SP1: variants seen among roughly 807,000 people sequenced by gnomAD.
SP1 encodes the protein Sp1 transcription factor.
SP1 carries 6 observed loss-of-function variants against 66.3 expected under a neutral mutation model. The ratio of observed to expected loss-of-function variants is 0.09; its 90% CI spans 0.05 to 0.18. The LOEUF (loss-of-function observed/expected upper bound fraction) is 0.18, where lower values mean the gene tolerates loss of function less well. Ranked by LOEUF, SP1 falls within the 10% of genes least tolerant of loss-of-function variation. The pLI, the probability that SP1 is intolerant of heterozygous loss-of-function variation, is 1.00. For missense variants in SP1, 848 were observed against 964.5 expected, an observed-to-expected ratio of 0.88 and a Z score of 1.60; for synonymous variants, 417 against 360.8, an observed-to-expected ratio of 1.16 and a Z score of -1.77.
At chr12:53,385,616 A>AT (rs1267877108) in intron 3 of SP1, among the ~76,000 whole-genome samples, 1 of 141,196 alleles carries the variant, frequency 7.1e-6, no homozygotes, top group Non-Finnish European at 1.5e-5. Flanking sequence ...AAATAAATAA[A>AT]AATAAATTTG....
chr12:53,384,866 G>T (rs2446066), intron 3 of SP1, among the ~76,000 whole-genome samples: 47,129 of 151,872 alleles, frequency 0.31, 10,782 homozygotes, highest in African/African-American at 0.65. Context: ...ATGCCTATGG[G>T]CCCAGCTACT....
chr12:53,399,530 C>A (rs2608301), intron 3 of SP1, among the ~76,000 whole-genome samples: 47,256 of 151,996 alleles, frequency 0.31, 10,859 homozygotes, highest in African/African-American at 0.65. Flanking sequence ...ACCGGGTTTC[C>A]CCATGTTAGC....
intron 3 of SP1, among the ~76,000 whole-genome samples, chr12:53,388,010 G>C (rs982125480): frequency 6.6e-6 from 1 of 151,936 alleles, no homozygotes; most frequent in African/African-American, 2.4e-5. Flanking sequence ...TATTCGAAAA[G>C]GTGTTTTTGA....
intron 3 of SP1, among the ~76,000 whole-genome samples, chr12:53,398,160 A>C (rs1323636867): frequency 2.6e-5 from 4 of 152,226 alleles, no homozygotes; most frequent in Admixed American, 2.6e-4. Context: ...AGATTTATAG[A>C]TATACAAATA....
At chr12:53,394,982 A>G (rs781437303) in intron 3 of SP1, among the ~76,000 whole-genome samples, 8 of 151,894 alleles carry the variant, frequency 5.3e-5, no homozygotes, top group African/African-American at 9.7e-5. Flanking sequence ...CCTCCGACTC[A>G]GCCTCCCCAG....
At position 53,383,091 on chromosome 12, in the gene SP1, G is replaced by C; in HGVS notation, c.1144G>C (p.Ala382Pro). 6.2e-7 allele frequency: 1 copy of C among 1,614,196 alleles called. No individual in the cohort carries two copies. The highest frequency in any genetic ancestry group is 2.2e-5 in the East Asian group (1 of 44,890). The change falls in exon 3 of 6, where the codon GCA becomes CCA. Residue 382 changes from alanine to proline, a missense_variant. Coordinates refer to ENST00000327443, the MANE Select transcript of SP1 (RefSeq NM_138473.3). Reference protein sequence around the residue: ...QNQTSGGSLQAGQQKEGEQNQ... With the variant: ...QNQTSGGSLQPGQQKEGEQNQ... ...CCAGACATCTGGAGGCTCATTGCAA[G>C]CAGGCCAGCAAAAAGAAGGAGAGCA... is the stretch of plus-strand genomic sequence containing the variant.
intron 3 of SP1, among the ~76,000 whole-genome samples, chr12:53,386,023 C>T (rs952831649): frequency 7.2e-5 from 11 of 152,064 alleles, no homozygotes; most frequent in African/African-American, 2.7e-4. Flanking sequence ...AATGATCTAA[C>T]GGGTTGCTTT....
rs963617593 is a variant in SP1 at position 53,387,985 on chromosome 12, C to CA, written c.1675+4375dup. Among the ~76,000 whole-genome samples, 112 of 127,218 alleles carry CA rather than the reference C, an allele frequency of 8.8e-4. 1 individual carries two copies. Among genetic ancestry groups the CA allele is most frequent in the Middle Eastern group, 4.3e-3 (1 of 232 alleles). 83.5% of individuals were successfully genotyped at this position (127,218 alleles called of 152,430 possible). A position where few individuals can be genotyped will look rare whatever the true frequency, so the allele number is the denominator to read the frequency against. ...TGGGTGACAGAGCGAGACTCCGTCT[C>CA]AAAAAAAAAAAATGTATTCGAAAAG... On this transcript the variant is annotated intron_variant, in intron 3 of 5. Coordinates refer to ENST00000327443, the MANE Select transcript of SP1 (RefSeq NM_138473.3).
intron 3 of SP1, among the ~76,000 whole-genome samples, chr12:53,392,137 T>C (rs903239023): frequency 2.0e-5 from 3 of 152,166 alleles, no homozygotes; most frequent in Non-Finnish European, 4.4e-5. Context: ...GAATCCTCCT[T>C]CTCACCTATA....
chr12:53,380,313 A>T lies in SP1; in HGVS notation c.7+15A>T. The stretch of plus-strand genomic sequence containing the variant: ...CACCATGAGCGGTAAGGATGAGTCC[A>T]CTCCAAGCTTAGGGGTGGGAGGCGA... On this transcript the variant is annotated intron_variant, in intron 1 of 5. Coordinates refer to ENST00000327443, the MANE Select transcript of SP1 (RefSeq NM_138473.3). 6.9e-7 allele frequency: 1 copy of T among 1,458,170 alleles called. No homozygotes were observed. The highest frequency in any genetic ancestry group is 1.2e-5 in the South Asian group (1 of 86,146). The allele number at this position is 1,458,170 out of a possible 1,614,324, so 90.3% of individuals were successfully genotyped here. A position where few individuals can be genotyped will look rare whatever the true frequency, so the allele number is the denominator to read the frequency against.
intron 3 of SP1, among the ~76,000 whole-genome samples, chr12:53,404,027 C>A (rs548243501): frequency 2.6e-5 from 4 of 151,562 alleles, no homozygotes; most frequent in African/African-American, 9.7e-5. Context: ...AAAAGTTAGC[C>A]GGGCGTGGTG....
At chr12:53,408,540 C>T (rs1282845405) in intron 4 of SP1, among the ~76,000 whole-genome samples, 1 of 151,676 alleles carries the variant, frequency 6.6e-6, no homozygotes, top group Non-Finnish European at 1.5e-5. Context: ...GATCAATCCA[C>T]CTGCCTCGGC....
chr12:53,394,802 G>A (rs1056411778), intron 3 of SP1, among the ~76,000 whole-genome samples: 1 of 151,454 alleles, frequency 6.6e-6, no homozygotes, highest in Non-Finnish European at 1.5e-5. Flanking sequence ...TTTTAGTGGA[G>A]ATGGGTTTTC....
At chr12:53,380,570 C>T in intron 1 of SP1, 3 of 791,434 alleles carry the variant, frequency 3.8e-6, no homozygotes, top group Non-Finnish European at 4.8e-6. Flanking sequence ...CGGGCCTTAC[C>T]CCCCACTACT....
chr12:53,410,903 C>T, intron 5 of SP1, 24 bp from the exon 6 acceptor site: 4 of 1,581,958 alleles, frequency 2.5e-6, no homozygotes, highest in Non-Finnish European at 3.5e-6. Context: ...ATGTCAGCTT[C>T]TTATCTTTTC....
chr12:53,380,607 C>G, intron 1 of SP1: 6 of 1,015,730 alleles, frequency 5.9e-6, no homozygotes, highest in Non-Finnish European at 7.1e-6. Context: ...GCTCCTCCCG[C>G]CGGGGGCTGG....
chr12:53,399,498 A>AT (rs1247787477), intron 3 of SP1, among the ~76,000 whole-genome samples: 1 of 151,832 alleles, frequency 6.6e-6, no homozygotes, highest in African/African-American at 2.4e-5. Flanking sequence ...CATCTGGCTA[A>AT]TTTTTTGTAT....
rs376595766 is a variant in SP1, at chr12:53,411,024, C to A, written c.2142C>A (p.Gly714=). The A allele has an allele frequency of 3.1e-6, 5 of 1,614,008 alleles. No individual in the cohort carries two copies. In the South Asian group the frequency reaches 5.5e-5, roughly 18 times the overall value. The change falls in exon 6 of 6, where the codon GGC becomes GGA. Residue 714 remains glycine, a synonymous_variant. Transcript: ENST00000327443. ...AGACCCACCAGAATAAGAAGGGAGG[C>A]CCAGGTGTAGCTCTGAGTGTGGGCA... is the stretch of plus-strand genomic sequence containing the variant. ...HIKTHQNKKG[G]PGVALSVGTL... is the part of the protein sequence containing the mutation.
rs748663983 is a variant in SP1 at position 53,414,192 on chromosome 12, A to T, written c.*2952A>T. 4 of 152,200 alleles carry T rather than the reference A, an allele frequency of 2.6e-5. No homozygotes were observed. Among genetic ancestry groups the T allele is most frequent in the Non-Finnish European group, 4.4e-5 (3 of 67,990 alleles). 9.4% of individuals were successfully genotyped at this position (152,200 alleles called of 1,614,324 possible). ...TTCCTAAGTTTTTTTCATTTTTTTG[A>T]ATGAGTTTTTTAAATTTTTTAGATG... On this transcript the variant is annotated 3_prime_UTR_variant, in exon 6 of 6. Coordinates refer to ENST00000327443, the MANE Select transcript of SP1 (RefSeq NM_138473.3).
Sources: gnomAD v4.1 joint callset for allele counts (sites outside exome capture counted in the v4.1 genomes callset) on GRCh38, gnomAD v4.1.1 for gene constraint, MANE v1.5 for transcripts, NCBI Gene and HGNC (gene_info 2026-07-23, HGNC 2026-07-21) for gene names.